MCU: variants seen among roughly 807,000 people sequenced by gnomAD.
The protein encoded by MCU is calcium uniporter protein, mitochondrial.
MCU carries 12 observed loss-of-function variants against 45.2 expected under a neutral mutation model. The ratio of observed to expected loss-of-function variants is 0.27; its 90% CI spans 0.17 to 0.43. The LOEUF (loss-of-function observed/expected upper bound fraction) is 0.43, where lower values mean the gene tolerates loss of function less well. Among genes scored for constraint, MCU ranks in the 20% least tolerant of loss-of-function variants. The pLI, the probability that MCU is intolerant of heterozygous loss-of-function variation, is 1.00. For synonymous variants in MCU, 160 were observed against 165.1 expected (o/e 0.97, Z 0.24); for missense variants, 324 against 436.7 (o/e 0.74, Z 2.30).
chr10:72,771,753 A>G (rs954630021), intron 1 of MCU, among the ~76,000 whole-genome samples: 31 of 152,236 alleles, frequency 2.0e-4, no homozygotes, highest in African/African-American at 6.3e-4. Flanking sequence ...TGCTGCACCT[A>G]TCTACCTATC....
chr10:72,756,219 T>C (rs1050453586), intron 1 of MCU, among the ~76,000 whole-genome samples: 1 of 152,112 alleles, frequency 6.6e-6, no homozygotes, highest in African/African-American at 2.4e-5. Context: ...ACTCGTGAGC[T>C]CAAGCAATCT....
chr10:72,693,191 T>A, intron 1 of MCU: 1 of 931,622 alleles, frequency 1.1e-6, no homozygotes. Context: ...TGTGTGTGTG[T>A]GTGTGTGTGA....
chr10:72,879,833 G>T (rs1221274168), intron 6 of MCU, among the ~76,000 whole-genome samples: 1 of 152,148 alleles, frequency 6.6e-6, no homozygotes, highest in Non-Finnish European at 1.5e-5. Flanking sequence ...ATCATTTGAG[G>T]TCAGGAGTTT....
chr10:72,780,511 A>AGTGTGTGTGTGTGTGTGT (rs60306247), intron 1 of MCU, among the ~76,000 whole-genome samples: 4,233 of 110,492 alleles, frequency 0.038, 266 homozygotes, highest in East Asian at 0.13. Flanking sequence ...TCTTTGGCTA[A>AGTGTGTGTGTGTGTGTGT]GTGTGTGTGT....
intron 1 of MCU, among the ~76,000 whole-genome samples, chr10:72,816,132 C>T (rs1392886955): frequency 1.3e-5 from 2 of 152,106 alleles, no homozygotes; most frequent in Non-Finnish European, 2.9e-5. Context: ...GATCATGCTA[C>T]TGCACTCCAG....
chr10:72,878,110 G>GTTTT (rs1845644248), intron 6 of MCU, among the ~76,000 whole-genome samples: 1 of 116,830 alleles, frequency 8.6e-6, no homozygotes, highest in African/African-American at 3.7e-5. Flanking sequence ...AAATAATTTT[G>GTTTT]CTTTTTTTTT....
At chr10:72,692,657 G>T in intron 1 of MCU, 1 of 1,170,144 alleles carries the variant, frequency 8.5e-7, no homozygotes, top group Non-Finnish European at 1.1e-6. Flanking sequence ...CTCCCTGAAC[G>T]GAGCCAGATG....
At chr10:72,773,126 G>A (rs1589452996) in intron 1 of MCU, among the ~76,000 whole-genome samples, 2 of 151,966 alleles carry the variant, frequency 1.3e-5, no homozygotes, top group African/African-American at 4.8e-5. Flanking sequence ...TGAATTCCTG[G>A]GCTCAAGTGT....
At chr10:72,776,167 T>C (rs1301655611) in intron 1 of MCU, among the ~76,000 whole-genome samples, 1 of 150,090 alleles carries the variant, frequency 6.7e-6, no homozygotes, top group African/African-American at 2.5e-5. Flanking sequence ...AGACCCTATC[T>C]CTTAAAAAAA....
chr10:72,743,412 CAAAAAAA>C (rs374429962), intron 1 of MCU, among the ~76,000 whole-genome samples: 2 of 74,426 alleles, frequency 2.7e-5, no homozygotes, highest in Middle Eastern at 7.9e-3. Flanking sequence ...TACTCCATCT[CAAAAAAA>C]AAAAAAAAAA....
rs941105076 is a variant in MCU, at chr10:72,886,725, C to A, written c.*903C>A. ...AATCATGGCTCTGTAGCCATTTCAA[C>A]CAGAATAATTTTATTGCTAATCTGC... On this transcript the variant is annotated 3_prime_UTR_variant, in exon 8 of 8. Coordinates refer to ENST00000373053, the MANE Select transcript of MCU (RefSeq NM_138357.3). 2.6e-5 allele frequency: 4 copies of A among 152,330 alleles called. No individual in the cohort carries two copies. Among genetic ancestry groups the A allele is most frequent in the Non-Finnish European group, 5.9e-5 (4 of 68,038 alleles). The allele number at this position is 152,330 out of a possible 1,614,324, so 9.4% of individuals were successfully genotyped here.
intron 1 of MCU, among the ~76,000 whole-genome samples, chr10:72,750,591 G>A (rs371711072): frequency 6.6e-6 from 1 of 152,164 alleles, no homozygotes; most frequent in Non-Finnish European, 1.5e-5. Flanking sequence ...GGTATGTGAC[G>A]ACACAGATAT....
chr10:72,849,905 T>C (rs1478379021), intron 2 of MCU, among the ~76,000 whole-genome samples: 2 of 140,254 alleles, frequency 1.4e-5, no homozygotes, highest in Non-Finnish European at 3.1e-5. Context: ...CTTAGCAGTA[T>C]TATCTTTTTC....
chr10:72,703,265 A>G (rs1842780731), intron 1 of MCU, among the ~76,000 whole-genome samples: 1 of 152,328 alleles, frequency 6.6e-6, no homozygotes, highest in Admixed American at 6.5e-5. Context: ...TGACCCAGGT[A>G]CTGTTTTTAT....
Position 72,871,313 on chromosome 10 carries a change from A to G in MCU, c.658-64A>G, listed in dbSNP as rs939620056. The G allele has an allele frequency of 3.5e-6, 5 of 1,443,978 alleles. No homozygotes were observed. The African/African-American group carries it at 7.0e-5, about 20-fold the overall frequency. 89.4% of individuals were successfully genotyped at this position (1,443,978 alleles called of 1,614,324 possible). A position where few individuals can be genotyped will look rare whatever the true frequency, so the allele number is the denominator to read the frequency against. On this transcript the variant is annotated intron_variant, in intron 5 of 7. Transcript: ENST00000373053. ...GCCCTGTTTCTTTAGTGAACATAGA[A>G]CAGTTTAAGCCTTTTTAGATTGGTT... is the stretch of plus-strand genomic sequence containing the variant.
chr10:72,769,660 A>G (rs1843776672), intron 1 of MCU, among the ~76,000 whole-genome samples: 1 of 152,126 alleles, frequency 6.6e-6, no homozygotes. Flanking sequence ...AATGTAACCC[A>G]TTTCAATGGT....
Position 72,692,295 on chromosome 10 carries a change from C to G in MCU, c.144C>G (p.His48Gln), listed in dbSNP as rs1337870042. The change falls in exon 1 of 8, where the codon CAC becomes CAG. Residue 48 changes from histidine (H) to glutamine (Q), a missense_variant. This residue lies in a region of MCU where 111 missense variants were observed against 112.3 expected (regional missense o/e 0.99). Coordinates refer to ENST00000373053, the MANE Select transcript of MCU (RefSeq NM_138357.3). ...GVSRHRQQQH[H>Q]RTVHQRIASW... ...GCCGCCACCGGCAGCAGCAGCACCA[C>G]CGGACGGTGAGCGAGCGCGCCCGGA... 4 of 1,221,008 alleles carry G rather than the reference C, an allele frequency of 3.3e-6. No individual in the cohort carries two copies. The African/African-American group carries it at 4.7e-5, about 14-fold the overall frequency. The allele number at this position is 1,221,008 out of a possible 1,614,324, so 75.6% of individuals were successfully genotyped here.
At chr10:72,822,258 C>T (rs1188421911) in intron 1 of MCU, among the ~76,000 whole-genome samples, 2 of 151,998 alleles carry the variant, frequency 1.3e-5, no homozygotes, top group Non-Finnish European at 2.9e-5. Context: ...GGCAACAGAA[C>T]GAGACTCCTC....
At chr10:72,796,282 A>G (rs951302906) in intron 1 of MCU, among the ~76,000 whole-genome samples, 3 of 152,064 alleles carry the variant, frequency 2.0e-5, no homozygotes, top group South Asian at 2.1e-4. Flanking sequence ...CTTCCAAAAA[A>G]AGGAAAATTG....
Sources: allele counts gnomAD v4.1 joint callset (sites outside exome capture counted in the v4.1 genomes callset), GRCh38; gene constraint gnomAD v4.1.1; regional missense constraint gnomAD v4.1.1; transcripts MANE v1.5; gene names NCBI Gene and HGNC (gene_info 2026-07-23, HGNC 2026-07-21).